The following CHD5 variants were observed in gnomAD, a reference collection of about 807,000 sequenced individuals.
CHD5 encodes the protein ATP-dependent chromatin remodeler CHD5.
Under a neutral mutation model 230.3 loss-of-function variants are expected in CHD5, and 69 were observed. That is an observed-to-expected ratio of 0.30 (90% CI 0.25 to 0.37). The LOEUF (loss-of-function observed/expected upper bound fraction) is 0.37, where lower values mean the gene tolerates loss of function less well. Among genes scored for constraint, CHD5 ranks in the 10% least tolerant of loss-of-function variants. The pLI, the probability that CHD5 is intolerant of heterozygous loss-of-function variation, is 1.00. For missense variants in CHD5, 1,827 were observed against 2,622.8 expected (o/e 0.70, Z 6.63); for synonymous variants, 1,064 against 1,065.9 (o/e 1.00, Z 0.03).
chr1:6,151,482 A>T (rs1667006834), intron 6 of CHD5, among the ~76,000 whole-genome samples: 1 of 152,150 alleles, frequency 6.6e-6, no homozygotes, highest in Non-Finnish European at 1.5e-5. Context: ...ACCTCCTCCA[A>T]GAAGTCTTCC....
At position 6,130,896 on chromosome 1, in the gene CHD5, A is replaced by G. The variant is rs1666643586; in HGVS notation, c.3263-568T>C. Among the ~76,000 whole-genome samples the G allele has an allele frequency of 6.6e-6, 1 of 152,026 alleles. No homozygotes were observed. Among genetic ancestry groups the G allele is most frequent in the African/African-American group, 2.4e-5 (1 of 41,402 alleles). ...CCCTGGCACACCCAGGGCTTCAGCC[A>G]CTCCTGCTTCCACATGTGGCTGGGC... On this transcript the variant is annotated intron_variant, in intron 21 of 41. Transcript: ENST00000262450. This position sits in a 1 kb window ranked among gnomAD's most constrained non-coding sequence, Gnocchi z 4.9.
Position 6,149,290 on chromosome 1 carries a change from C to G in CHD5, c.1117G>C (p.Glu373Gln). Residue 373 changes from glutamate to glutamine, a missense_variant, in exon 8 of 42, where the codon GAG (glutamate) becomes CAG (glutamine). Coordinates refer to ENST00000262450, the MANE Select transcript of CHD5 (RefSeq NM_015557.3). ...TTGCCCTCGGGAGCCTTCTCCAGCTCTGGGTCCAGGCATACGAGATGGTAG... is the reference window on the plus strand; with the variant it reads ...TTGCCCTCGGGAGCCTTCTCCAGCTGTGGGTCCAGGCATACGAGATGGTAG... Reference protein sequence around the residue: ...RAYHLVCLDPELEKAPEGKWS... With the variant: ...RAYHLVCLDPQLEKAPEGKWS... The G allele has an allele frequency of 6.3e-7, 1 of 1,591,754 alleles. No individual in the cohort carries two copies. Among genetic ancestry groups the G allele is most frequent in the Non-Finnish European group, 8.6e-7 (1 of 1,168,038 alleles).
At chr1:6,118,656 G>A (rs1205375103) in intron 33 of CHD5, among the ~76,000 whole-genome samples, 1 of 151,928 alleles carries the variant, frequency 6.6e-6, no homozygotes, top group Non-Finnish European at 1.5e-5. Flanking sequence ...GGTGATGGTT[G>A]CACAACTCTG....
intron 1 of CHD5, among the ~76,000 whole-genome samples, chr1:6,172,448 C>A (rs906086617): frequency 5.3e-5 from 8 of 152,168 alleles, no homozygotes; most frequent in Non-Finnish European, 1.2e-4. Context: ...ACCTCAGCCT[C>A]CTGAGCAGCT....
chr1:6,127,030 C>A, intron 25 of CHD5: 1 of 467,784 alleles, frequency 2.1e-6, no homozygotes, highest in Non-Finnish European at 3.9e-6. Flanking sequence ...TAAGCTCCCC[C>A]TTGCCTGCCC....
In CHD5 at chr1:6,154,754, T is replaced by C. The variant is rs765098387; in HGVS notation, c.651A>G (p.Val217=). 1.1e-4 allele frequency: 174 copies of C among 1,611,994 alleles called. 2 individuals are homozygous for C. The highest frequency in any genetic ancestry group is 6.8e-4 in the Middle Eastern group (4 of 5,912). ...GCGGAGGGGAGATGGTGACCGTCTC[T>C]ACAGCCGCAGCCACCGCCGCCGCCG... ...AAAAAAVAAA[V]ETVTISPPLA... is the part of the protein sequence containing the mutation. The change falls in exon 5 of 42, where the codon GTA becomes GTG. Residue 217 remains valine, a synonymous_variant. Transcript: ENST00000262450. This position sits in a 1 kb window ranked among gnomAD's most constrained non-coding sequence, Gnocchi z 7.0.
At chr1:6,162,807 A>G (rs1282784202) in intron 2 of CHD5, among the ~76,000 whole-genome samples, 1 of 152,224 alleles carries the variant, frequency 6.6e-6, no homozygotes, top group Admixed American at 6.5e-5. Flanking sequence ...AGAGGCTGCC[A>G]GCAGCTGGGG....
chr1:6,127,895 G>C, intron 25 of CHD5, 151 bp downstream of exon 25: 1 of 677,694 alleles, frequency 1.5e-6, no homozygotes, highest in Non-Finnish European at 2.5e-6. Flanking sequence ...ACAGCAGGGA[G>C]GGCGGGGCTG....
Position 6,136,679 on chromosome 1 carries a change from G to A in CHD5, c.2575-41C>T, listed in dbSNP as rs142655264. On this transcript the variant is annotated intron_variant, in intron 16 of 41. Transcript: ENST00000262450. ...TGGGGCCTGTCAGGGGGCTCTGGGC[G>A]GCCCCTCGCCCCGGGAAGCTCTGGG... 580 of 1,612,008 alleles carry A rather than the reference G, an allele frequency of 3.6e-4. 1 individual carries two copies. The African/African-American group carries it at 5.2e-3, about 15-fold the overall frequency.
rs1428092850 is a variant in CHD5, at chr1:6,180,135, C to G, written c.-112G>C. On this transcript the variant is annotated 5_prime_UTR_variant, in exon 1 of 42. Transcript: ENST00000262450. ...CGCGCGGCGGGCGAGGCGGCCTCGG[C>G]GAGAAGATGGCGGCCGCCTGCCCCC... The G allele has an allele frequency of 1.3e-5, 4 of 306,650 alleles. No homozygotes were observed. The East Asian group carries it at 2.7e-4, about 20-fold the overall frequency. 19.0% of individuals were successfully genotyped at this position (306,650 alleles called of 1,614,324 possible).
chr1:6,154,200 T>G lies in CHD5; in HGVS notation c.745+460A>C, dbSNP rs1026072171. On this transcript the variant is annotated intron_variant, in intron 5 of 41. Transcript: ENST00000262450. This position sits in a 1 kb window ranked among gnomAD's most constrained non-coding sequence, Gnocchi z 7.0. Reference sequence around the variant, plus strand: ...TGGCCGAGGGCCTGGAGAACAACCCTGCACACAGTGGGTATGCAGACAAGA... The same window carrying G: ...TGGCCGAGGGCCTGGAGAACAACCCGGCACACAGTGGGTATGCAGACAAGA... Among the ~76,000 whole-genome samples, 38 of 152,104 alleles carry G rather than the reference T, an allele frequency of 2.5e-4. No homozygotes were observed. Among genetic ancestry groups the G allele is most frequent in the African/African-American group, 9.2e-4 (38 of 41,410 alleles).
intron 2 of CHD5, among the ~76,000 whole-genome samples, chr1:6,161,042 G>A (rs551531022): frequency 6.6e-6 from 1 of 152,322 alleles, no homozygotes; most frequent in East Asian, 1.9e-4. Flanking sequence ...AGAGGCATGG[G>A]ATGAGATTAA....
intron 1 of CHD5, among the ~76,000 whole-genome samples, chr1:6,176,695 T>C (rs912770057): frequency 6.6e-6 from 1 of 152,194 alleles, no homozygotes; most frequent in African/African-American, 2.4e-5. Context: ...TGTGGCCTAA[T>C]GTTCCACATG....
chr1:6,143,986 G>T (rs767853901), intron 12 of CHD5, 38 bp downstream of exon 12: 2 of 1,614,060 alleles, frequency 1.2e-6, no homozygotes, highest in Non-Finnish European at 1.7e-6. Flanking sequence ...AGCAGGTCCC[G>T]GCAGCCTGTG....
At chr1:6,111,987 C>A in intron 35 of CHD5, 104 bp from the exon 36 acceptor site, 2 of 1,368,288 alleles carry the variant, frequency 1.5e-6, no homozygotes. Flanking sequence ...CCTCCACCCC[C>A]AGAGGTCCAG....
At chr1:6,111,183 T>A (rs1666281311) in intron 36 of CHD5, among the ~76,000 whole-genome samples, 1 of 146,664 alleles carries the variant, frequency 6.8e-6, no homozygotes, top group Non-Finnish European at 1.5e-5. Context: ...TGAGCTGAGA[T>A]CGCACCACTG....
At position 6,123,968 on chromosome 1, in the gene CHD5, G is replaced by A; in HGVS notation, c.4679C>T (p.Pro1560Leu). 2 of 1,591,930 alleles carry A rather than the reference G, an allele frequency of 1.3e-6. No homozygotes were observed. The highest frequency in any genetic ancestry group is 1.7e-6 in the Non-Finnish European group (2 of 1,171,528). Reference sequence around the variant, plus strand: ...CAGACCTGGCAGGCCCAGCGGGGCTGGCAGGAGGTGGGCAGGGCTGGCGGG... The same window carrying A: ...CAGACCTGGCAGGCCCAGCGGGGCTAGCAGGAGGTGGGCAGGGCTGGCGGG... Reference protein sequence around the residue: ...PVPASPAHLLPAPLGLPDKME... With the variant: ...PVPASPAHLLLAPLGLPDKME... Residue 1560 changes from proline (P) to leucine (L), a missense_variant, in exon 31 of 42, where the codon CCA (proline) becomes CTA (leucine). Pro to Leu is a moderately conservative substitution (Grantham distance 98). Coordinates refer to ENST00000262450, the MANE Select transcript of CHD5 (RefSeq NM_015557.3).
chr1:6,133,318 G>C (rs12094550), intron 20 of CHD5, among the ~76,000 whole-genome samples: 2,496 of 152,296 alleles, frequency 0.016, 66 homozygotes, highest in African/African-American at 0.057. Flanking sequence ...CCCACTCCTT[G>C]GCTCAGCCCC....
chr1:6,180,127 G>A lies in CHD5; in HGVS notation c.-104C>T. On this transcript the variant is annotated 5_prime_UTR_variant, in exon 1 of 42. Transcript: ENST00000262450. Reference sequence around the variant, plus strand: ...GACCGGCGCGCGCGGCGGGCGAGGCGGCCTCGGCGAGAAGATGGCGGCCGC... The same window carrying A: ...GACCGGCGCGCGCGGCGGGCGAGGCAGCCTCGGCGAGAAGATGGCGGCCGC... The A allele has an allele frequency of 5.2e-6, 2 of 387,602 alleles. No homozygotes were observed. Among genetic ancestry groups the A allele is most frequent in the African/African-American group, 2.2e-5 (1 of 45,384 alleles). 24.0% of individuals were successfully genotyped at this position (387,602 alleles called of 1,614,324 possible). A position where few individuals can be genotyped will look rare whatever the true frequency, so the allele number is the denominator to read the frequency against.
Sources: allele counts gnomAD v4.1 joint callset (sites outside exome capture counted in the v4.1 genomes callset), GRCh38; gene constraint gnomAD v4.1.1; non-coding constraint Gnocchi (gnomAD v3.1); transcripts MANE v1.5; gene names NCBI Gene and HGNC (gene_info 2026-07-23, HGNC 2026-07-21).